Variants in ANKRD17 observed in about 807,000 individuals in gnomAD.
ANKRD17 encodes ankyrin repeat domain-containing protein 17.
ANKRD17 carries 19 observed loss-of-function variants against 229.7 expected under a neutral mutation model. That is an observed-to-expected ratio of 0.08 (90% CI 0.06 to 0.12). The LOEUF (loss-of-function observed/expected upper bound fraction) is 0.12. Among genes scored for constraint, ANKRD17 ranks in the 10% least tolerant of loss-of-function variants. ANKRD17 has a pLI of 1.00. For synonymous variants in ANKRD17, 1,112 were observed against 1,146.1 expected (o/e 0.97, Z 0.60); for missense variants, 2,176 against 3,176.8 (o/e 0.68, Z 7.57).
chr4:73,189,097 T>G (rs771046049), intron 1 of ANKRD17, among the ~76,000 whole-genome samples: 10 of 152,096 alleles, frequency 6.6e-5, no homozygotes, highest in Non-Finnish European at 1.3e-4. Context: ...TTACATAGCA[T>G]TATTATAACA....
In ANKRD17 at chr4:73,148,946, C is replaced by T. The variant is rs760062248; in HGVS notation, c.1434G>A (p.Gly478=). The change falls in exon 8 of 34, where the codon GGG becomes GGA. Residue 478 remains glycine (G), a synonymous_variant. Coordinates refer to ENST00000358602, the MANE Select transcript of ANKRD17 (RefSeq NM_032217.5). ...TAAGTAAAGCCGCAAGTTCCACATG[C>T]CCACCACATGCAGCCAAAGTTAATG... is the stretch of plus-strand genomic sequence containing the variant. ...ESPLTLAACG[G]HVELAALLIE... The T allele has an allele frequency of 2.5e-6, 4 of 1,613,192 alleles. 1 individual carries two copies. In the South Asian group the frequency reaches 4.4e-5, roughly 18 times the overall value.
Position 73,090,663 on chromosome 4 carries a change from T to C in ANKRD17, c.6961+4A>G. The C allele has an allele frequency of 1.2e-6, 2 of 1,614,000 alleles. No individual in the cohort carries two copies. The highest frequency in any genetic ancestry group is 1.1e-5 in the South Asian group (1 of 91,048). The stretch of plus-strand genomic sequence containing the variant: ...CTGCAGAATCTCAGAAAATATAAAC[T>C]CACCTGAGGGACTTGGAGCAGGTCT... On this transcript the variant is annotated splice_donor_region_variant and intron_variant, in intron 29 of 33. Transcript: ENST00000358602.
At position 73,151,407 on chromosome 4, in the gene ANKRD17, T is replaced by C. The variant is rs374013065; in HGVS notation, c.1329+23A>G. ...CTCCCTGGTTAATATATAAACATATTTGACATATTTCACCAATCTTACCAT... is the reference window on the plus strand; with the variant it reads ...CTCCCTGGTTAATATATAAACATATCTGACATATTTCACCAATCTTACCAT... On this transcript the variant is annotated intron_variant, in intron 7 of 33. Transcript: ENST00000358602. 19 of 1,602,952 alleles carry C rather than the reference T, an allele frequency of 1.2e-5. No individual in the cohort carries two copies. The African/African-American group carries it at 1.5e-4, about 12-fold the overall frequency.
intron 2 of ANKRD17, among the ~76,000 whole-genome samples, chr4:73,172,359 C>G (rs1356575982): frequency 6.6e-6 from 1 of 152,258 alleles, no homozygotes; most frequent in East Asian, 1.9e-4. Context: ...GAGGGACTTT[C>G]CCAGACAAAA....
At chr4:73,154,443 G>A (rs1160658195) in intron 5 of ANKRD17, among the ~76,000 whole-genome samples, 1 of 151,908 alleles carries the variant, frequency 6.6e-6, no homozygotes, top group Non-Finnish European at 1.5e-5. Context: ...TGAGAAAAAA[G>A]TTGTTTTAAT....
At chr4:73,190,455 C>A (rs530669414) in intron 1 of ANKRD17, among the ~76,000 whole-genome samples, 38 of 151,126 alleles carry the variant, frequency 2.5e-4, no homozygotes, top group African/African-American at 9.2e-4. Flanking sequence ...CCATTTAAAT[C>A]GGGGACAAGA....
At chr4:73,174,362 A>T (rs566612417) in intron 2 of ANKRD17, among the ~76,000 whole-genome samples, 1 of 152,192 alleles carries the variant, frequency 6.6e-6, no homozygotes, top group Non-Finnish European at 1.5e-5. Flanking sequence ...TGCAGAAAAA[A>T]CATTTGATGA....
chr4:73,249,714 C>T (rs904589469), intron 1 of ANKRD17, among the ~76,000 whole-genome samples: 1 of 152,146 alleles, frequency 6.6e-6, no homozygotes, highest in African/African-American at 2.4e-5. Context: ...ATTAGCCGGG[C>T]GTGGTGGCGC....
At chr4:73,097,071 C>T (rs917900101) in intron 27 of ANKRD17, 46 bp downstream of exon 27, 2 of 1,556,820 alleles carry the variant, frequency 1.3e-6, no homozygotes, top group Non-Finnish European at 1.7e-6. Flanking sequence ...TAACACTTGA[C>T]TGTGATATAT....
chr4:73,230,322 GA>G (rs1185820191), intron 1 of ANKRD17, among the ~76,000 whole-genome samples: 1 of 151,922 alleles, frequency 6.6e-6, no homozygotes, highest in Non-Finnish European at 1.5e-5. Flanking sequence ...AATAATTAAA[GA>G]TTTTTTTTTT....
At chr4:73,201,645 T>A (rs1440983913) in intron 1 of ANKRD17, among the ~76,000 whole-genome samples, 4 of 152,220 alleles carry the variant, frequency 2.6e-5, no homozygotes, top group African/African-American at 9.6e-5. Context: ...TCTTTGAACC[T>A]TTTTATGTTT....
intron 1 of ANKRD17, among the ~76,000 whole-genome samples, chr4:73,191,657 T>C (rs927083198): frequency 6.6e-6 from 1 of 151,788 alleles, no homozygotes; most frequent in African/African-American, 2.4e-5. Context: ...ATAAAGAAAT[T>C]TTTAAATTTT....
intron 1 of ANKRD17, among the ~76,000 whole-genome samples, chr4:73,240,766 A>G (rs1336797346): frequency 6.6e-6 from 1 of 151,536 alleles, no homozygotes; most frequent in Non-Finnish European, 1.5e-5. Flanking sequence ...AGCCAATTTT[A>G]GTATTCAGGC....
chr4:73,129,761 CTTTT>C (rs768232283), intron 16 of ANKRD17, among the ~76,000 whole-genome samples: 10 of 134,126 alleles, frequency 7.5e-5, no homozygotes, highest in East Asian at 6.5e-4. Context: ...CTATTAATTA[CTTTT>C]TTTTTTTTTT....
chr4:73,212,114 C>T (rs1388962350), intron 1 of ANKRD17, among the ~76,000 whole-genome samples: 1 of 152,096 alleles, frequency 6.6e-6, no homozygotes, highest in Admixed American at 6.6e-5. Context: ...AGTCTAAACA[C>T]ACTCCCAAGG....
rs1482874097 is a variant in ANKRD17, at chr4:73,090,936, T to C, written c.6692A>G (p.Gln2231Arg). 2 of 1,614,152 alleles carry C rather than the reference T, an allele frequency of 1.2e-6. No homozygotes were observed. The highest frequency in any genetic ancestry group is 1.7e-5 in the Admixed American group (1 of 60,014). ...PSTLSTQSACQNSVHPANKPI... is the reference protein window; with the variant it reads ...PSTLSTQSACRNSVHPANKPI... ...CTTATTTGCTGGATGTACTGAATTC[T>C]GACAAGCACTTTGTGTACTTAAGGT... The change falls in exon 29 of 34, where the codon CAG (glutamine) becomes CGG (arginine). Residue 2231 changes from glutamine to arginine, a missense_variant. By Grantham distance (43) the Gln-to-Arg change is conservative. Around this residue, in one of 18 missense-constraint regions of ANKRD17, gnomAD observed 424 missense variants for 454.0 expected, o/e 0.93. Coordinates refer to ENST00000358602, the MANE Select transcript of ANKRD17 (RefSeq NM_032217.5).
At chr4:73,077,813 GA>G (rs1237248776) in intron 31 of ANKRD17, among the ~76,000 whole-genome samples, 1 of 152,132 alleles carries the variant, frequency 6.6e-6, no homozygotes, top group Admixed American at 6.5e-5. Context: ...ATGATGAAAG[GA>G]AGAAAAGAAC....
intron 3 of ANKRD17, 89 bp from the exon 4 acceptor site, chr4:73,156,255 T>C: frequency 6.9e-7 from 1 of 1,451,946 alleles, no homozygotes; most frequent in Non-Finnish European, 9.1e-7. Context: ...TTTTGTTTTT[T>C]GTTGTTTAGA....
intron 18 of ANKRD17, among the ~76,000 whole-genome samples, chr4:73,122,542 C>T (rs895193713): frequency 1.3e-5 from 2 of 152,060 alleles, no homozygotes; most frequent in Admixed American, 1.3e-4. Flanking sequence ...CATTTAATGC[C>T]TAAACAATCC....
Sources: gnomAD v4.1 joint callset for allele counts (sites outside exome capture counted in the v4.1 genomes callset) on GRCh38, gnomAD v4.1.1 for gene constraint, gnomAD v4.1.1 regional missense constraint, MANE v1.5 for transcripts, NCBI Gene and HGNC (gene_info 2026-07-23, HGNC 2026-07-21) for gene names.